The following B3GALT1 variants were observed in gnomAD, a reference collection of about 807,000 sequenced individuals.
B3GALT1 encodes the protein UDP-Gal:betaGlcNAc beta 1,3-galactosyltransferase, polypeptide 1.
In B3GALT1, 10 loss-of-function variants were observed where a neutral mutation model predicts 23.2. The observed-to-expected ratio is 0.43, with a 90% CI of 0.27 to 0.73. B3GALT1 has a LOEUF of 0.73. Ranked by LOEUF, B3GALT1 falls within the 30% of genes least tolerant of loss-of-function variation. The probability of loss-of-function intolerance (pLI) is 0.21; values close to 1 mark genes in which losing one functional copy is unlikely to be tolerated. For synonymous variants in B3GALT1, 156 were observed against 141.5 expected (o/e 1.10, Z -0.73); for missense variants, 299 against 405.4 (o/e 0.74, Z 2.25).
chr2:167,578,898 A>T (rs1327063820), intron 2 of B3GALT1, among the ~76,000 whole-genome samples: 1 of 152,072 alleles, frequency 6.6e-6, no homozygotes, highest in Non-Finnish European at 1.5e-5. Flanking sequence ...AAATTCTAAT[A>T]TTCAAACCAC....
At chr2:167,318,690 A>G (rs1696757506) in intron 1 of B3GALT1, among the ~76,000 whole-genome samples, 1 of 152,086 alleles carries the variant, frequency 6.6e-6, no homozygotes, top group African/African-American at 2.4e-5. Flanking sequence ...AGCCAACTGC[A>G]CTCGTTGGCT....
chr2:167,588,284 A>T (rs1313815107), intron 2 of B3GALT1, among the ~76,000 whole-genome samples: 1 of 152,170 alleles, frequency 6.6e-6, no homozygotes, highest in Admixed American at 6.5e-5. Flanking sequence ...ATTGTGGTAT[A>T]TATTTCTTGT....
chr2:167,720,932 A>G (rs1224191110), intron 3 of B3GALT1, among the ~76,000 whole-genome samples: 2 of 152,184 alleles, frequency 1.3e-5, no homozygotes, highest in African/African-American at 2.4e-5. Context: ...GGAATCTCAC[A>G]TGAGCCATCC....
chr2:167,667,965 G>A (rs372622936), intron 3 of B3GALT1, among the ~76,000 whole-genome samples: 19 of 152,266 alleles, frequency 1.2e-4, no homozygotes, highest in South Asian at 2.1e-4. Context: ...GTCATTCTCC[G>A]TCCAGCTTTG....
intron 1 of B3GALT1, among the ~76,000 whole-genome samples, chr2:167,402,467 C>G (rs1574064997): frequency 6.6e-6 from 1 of 152,008 alleles, no homozygotes; most frequent in East Asian, 1.9e-4. Flanking sequence ...CTAAGTGAAC[C>G]TCTACTCTGG....
intron 3 of B3GALT1, among the ~76,000 whole-genome samples, chr2:167,665,573 G>A (rs1037932143): frequency 3.3e-5 from 5 of 151,612 alleles, no homozygotes; most frequent in African/African-American, 9.7e-5. Flanking sequence ...GTAGAATTCG[G>A]CTGTGAGTCC....
At chr2:167,554,753 G>C (rs1683814143) in intron 2 of B3GALT1, among the ~76,000 whole-genome samples, 1 of 152,094 alleles carries the variant, frequency 6.6e-6, no homozygotes, top group Non-Finnish European at 1.5e-5. Flanking sequence ...CAAAATTTAA[G>C]ACTAAATTGC....
At chr2:167,298,464 A>G (rs1316745793) in intron 1 of B3GALT1, among the ~76,000 whole-genome samples, 2 of 152,098 alleles carry the variant, frequency 1.3e-5, no homozygotes, top group African/African-American at 4.8e-5. Flanking sequence ...TGGGACCAAG[A>G]AAATGAGAAA....
intron 1 of B3GALT1, among the ~76,000 whole-genome samples, chr2:167,477,834 A>G (rs1010864592): frequency 6.6e-6 from 1 of 152,186 alleles, no homozygotes; most frequent in African/African-American, 2.4e-5. Context: ...GGGTACATCT[A>G]TTTGTCCACC....
At chr2:167,411,277 C>G (rs1698386409) in intron 1 of B3GALT1, among the ~76,000 whole-genome samples, 1 of 150,622 alleles carries the variant, frequency 6.6e-6, no homozygotes, top group African/African-American at 2.4e-5. Flanking sequence ...GAAAAGACCA[C>G]TTACAGAATG....
chr2:167,857,178 T>C (rs1371526720), intron 4 of B3GALT1, among the ~76,000 whole-genome samples: 4 of 152,100 alleles, frequency 2.6e-5, no homozygotes, highest in African/African-American at 9.7e-5. Flanking sequence ...AACCCCAGAA[T>C]ATTTTAAGGC....
chr2:167,514,403 T>G (rs1252481944), intron 2 of B3GALT1, among the ~76,000 whole-genome samples: 1 of 152,176 alleles, frequency 6.6e-6, no homozygotes, highest in Admixed American at 6.5e-5. Flanking sequence ...CATTAGATGA[T>G]TGTCAGACAG....
At chr2:167,552,180 T>C (rs1683760849) in intron 2 of B3GALT1, among the ~76,000 whole-genome samples, 1 of 152,188 alleles carries the variant, frequency 6.6e-6, no homozygotes, top group Admixed American at 6.5e-5. Context: ...CTTGAGAGTC[T>C]TCACATCTTC....
chr2:167,726,583 G>T (rs7589248), intron 3 of B3GALT1, among the ~76,000 whole-genome samples: 29,761 of 152,120 alleles, frequency 0.2, 3,346 homozygotes, highest in East Asian at 0.41. Flanking sequence ...GACTGGATTT[G>T]CACAGGGCAC....
intron 1 of B3GALT1, among the ~76,000 whole-genome samples, chr2:167,320,096 C>T (rs528306451): frequency 3.3e-5 from 5 of 151,996 alleles, no homozygotes; most frequent in Admixed American, 1.3e-4. Flanking sequence ...TAAAACCTGC[C>T]TTTAACAGTT....
intron 2 of B3GALT1, among the ~76,000 whole-genome samples, chr2:167,590,207 G>A (rs540984513): frequency 3.3e-5 from 5 of 152,002 alleles, no homozygotes; most frequent in Non-Finnish European, 5.9e-5. Flanking sequence ...TTAGCCGGGC[G>A]TGGTGGCGGG....
intron 2 of B3GALT1, among the ~76,000 whole-genome samples, chr2:167,558,682 C>T (rs538072149): frequency 4.6e-5 from 7 of 152,352 alleles, no homozygotes; most frequent in East Asian, 3.9e-4. Context: ...GAGGTTCCTA[C>T]GCCCATGGAG....
chr2:167,699,380 A>ATTTTTTTT (rs1169813738), intron 3 of B3GALT1, among the ~76,000 whole-genome samples: 62 of 100,158 alleles, frequency 6.2e-4, no homozygotes, highest in Admixed American at 1.1e-3. Flanking sequence ...CATTATTTCT[A>ATTTTTTTT]TTTTTTTTTT....
chr2:167,653,998 A>C (rs1388653148), intron 3 of B3GALT1, among the ~76,000 whole-genome samples: 3 of 152,150 alleles, frequency 2.0e-5, no homozygotes, highest in Non-Finnish European at 4.4e-5. Flanking sequence ...GTTAGACAAG[A>C]AACAGGAGAT....
Sources: allele counts gnomAD v4.1 joint callset (sites outside exome capture counted in the v4.1 genomes callset), GRCh38; gene constraint gnomAD v4.1.1; transcripts MANE v1.5; gene names NCBI Gene and HGNC (gene_info 2026-07-23, HGNC 2026-07-21).